Variants in PALD1 observed in about 807,000 individuals in gnomAD.
PALD1 encodes paladin.
PALD1 carries 57 observed loss-of-function variants against 96.0 expected under a neutral mutation model. The ratio of observed to expected loss-of-function variants is 0.59; its 90% CI spans 0.48 to 0.74. The LOEUF is 0.74. PALD1 is among the 30% of genes least tolerant of loss of function. PALD1 has a pLI of 0.00. For synonymous variants in PALD1, 464 were observed against 473.6 expected, an observed-to-expected ratio of 0.98 and a Z score of 0.26; for missense variants, 1,063 against 1,143.7, an observed-to-expected ratio of 0.93 and a Z score of 1.02.
chr10:70,541,021 C>G (rs549902845), intron 15 of PALD1, 81 bp from the exon 16 acceptor site: 15 of 1,448,244 alleles, frequency 1.0e-5, no homozygotes, highest in Non-Finnish European at 1.3e-5. Context: ...GTGGCTGGGG[C>G]TGCCATGTGG....
At chr10:70,488,798 C>G (rs1846052113) in intron 1 of PALD1, among the ~76,000 whole-genome samples, 1 of 151,954 alleles carries the variant, frequency 6.6e-6, no homozygotes, top group Non-Finnish European at 1.5e-5. Context: ...AGAAGAGTAG[C>G]ATTGGATCAA....
At chr10:70,460,269 T>C in the PALD1 span, among the ~76,000 whole-genome samples, 1 of 152,124 alleles carries the variant, frequency 6.6e-6, no homozygotes, top group African/African-American at 2.4e-5. Flanking sequence ...TTGCCTCTCC[T>C]GGAGGGTCTC....
intron 7 of PALD1, among the ~76,000 whole-genome samples, 194 bp from the exon 8 acceptor site, chr10:70,533,728 C>G (rs932655089): frequency 1.3e-5 from 2 of 152,240 alleles, no homozygotes; most frequent in African/African-American, 4.8e-5. Flanking sequence ...TTGAGCTCCT[C>G]CAAGGCCTGG....
intron 2 of PALD1, among the ~76,000 whole-genome samples, chr10:70,526,437 A>C (rs1186159797): frequency 6.6e-6 from 1 of 152,226 alleles, no homozygotes; most frequent in African/African-American, 2.4e-5. Flanking sequence ...TTTTTGGCTT[A>C]ACATTTTCAA....
chr10:70,468,982 G>T, the PALD1 span, among the ~76,000 whole-genome samples: 1 of 152,114 alleles, frequency 6.6e-6, no homozygotes, highest in Non-Finnish European at 1.5e-5. Flanking sequence ...ACCCACAGTG[G>T]AGGGGGCACG....
intron 1 of PALD1, among the ~76,000 whole-genome samples, chr10:70,502,373 A>G (rs1387466165): frequency 1.3e-5 from 2 of 152,310 alleles, no homozygotes; most frequent in East Asian, 3.9e-4. Flanking sequence ...TTCAGCTTCA[A>G]GCACTGTTGA....
At position 70,566,622 on chromosome 10, in the gene PALD1, G is replaced by A. The variant is rs1267458383; in HGVS notation, c.2460G>A (p.Leu820=). The part of the protein sequence containing the change: ...KAGIYEILNE[L]GFPELESGED... ...GCATCTACGAGATCCTTAACGAGCTGGGCTTCCCCGAGCTGGAGAGCGGGG... is the reference window on the plus strand; with the variant it reads ...GCATCTACGAGATCCTTAACGAGCTAGGCTTCCCCGAGCTGGAGAGCGGGG... Residue 820 remains leucine, a synonymous_variant, in exon 20 of 20, where the codon CTG becomes CTA. Coordinates refer to ENST00000263563, the MANE Select transcript of PALD1 (RefSeq NM_014431.3). 1.9e-6 allele frequency: 3 copies of A among 1,610,832 alleles called. No individual in the cohort carries two copies. The highest frequency in any genetic ancestry group is 1.6e-4 in the Middle Eastern group (1 of 6,080).
intron 6 of PALD1, 30 bp downstream of exon 6, chr10:70,532,811 A>G: frequency 1.2e-6 from 2 of 1,610,922 alleles, no homozygotes; most frequent in South Asian, 2.2e-5. Flanking sequence ...AGCCCTGGCC[A>G]TGGGTGCTCC....
intron 18 of PALD1, among the ~76,000 whole-genome samples, chr10:70,562,088 C>T (rs1044061285): frequency 6.6e-6 from 1 of 152,246 alleles, no homozygotes; most frequent in African/African-American, 2.4e-5. Context: ...CGTGCCTTCT[C>T]ATCCCTCACT....
At chr10:70,541,764 C>T (rs1564705060) in intron 17 of PALD1, among the ~76,000 whole-genome samples, 1 of 152,198 alleles carries the variant, frequency 6.6e-6, no homozygotes, top group Non-Finnish European at 1.5e-5. Context: ...GGCTGGACCC[C>T]TCCCTGCCCG....
chr10:70,563,778 G>C (rs1040054416), intron 18 of PALD1, among the ~76,000 whole-genome samples: 1 of 152,194 alleles, frequency 6.6e-6, no homozygotes, highest in African/African-American at 2.4e-5. Context: ...CCAGTGTAGG[G>C]GTGGATTGAG....
At chr10:70,519,573 C>CTTTTTTTTTT (rs1192092171) in intron 1 of PALD1, among the ~76,000 whole-genome samples, 1 of 133,702 alleles carries the variant, frequency 7.5e-6, no homozygotes, top group African/African-American at 2.9e-5. Flanking sequence ...TTCTTTCTTT[C>CTTTTTTTTTT]TTTTTTTTTT....
At chr10:70,526,335 T>A (rs1352349068) in intron 2 of PALD1, among the ~76,000 whole-genome samples, 199 bp downstream of exon 2, 2 of 152,198 alleles carry the variant, frequency 1.3e-5, no homozygotes, top group Non-Finnish European at 2.9e-5. Context: ...GTCTCTGTCA[T>A]GGGTCTCTGA....
Position 70,487,130 on chromosome 10 carries a change from A to ATTTTT in PALD1, c.-30+8088_-30+8092dup, listed in dbSNP as rs10669002. On this transcript the variant is annotated intron_variant, in intron 1 of 19. Coordinates refer to ENST00000263563, the MANE Select transcript of PALD1 (RefSeq NM_014431.3). ...GCATTTGACTGTCCCTCTGAGCCCAATTTTTTTTTTTTTTTTTTTTTGAGA... is the reference window on the plus strand; with the variant it reads ...GCATTTGACTGTCCCTCTGAGCCCAATTTTTTTTTTTTTTTTTTTTTTTTTTGAGA... Among the ~76,000 whole-genome samples the ATTTTT allele has an allele frequency of 2.8e-3, 311 of 110,328 alleles. 9 individuals are homozygous for ATTTTT. The highest frequency in any genetic ancestry group is 3.9e-3 in the Non-Finnish European group (221 of 56,552). 72.4% of individuals were successfully genotyped at this position (110,328 alleles called of 152,430 possible). A position where few individuals can be genotyped will look rare whatever the true frequency, so the allele number is the denominator to read the frequency against.
At chr10:70,496,156 T>C (rs748710701) in intron 1 of PALD1, among the ~76,000 whole-genome samples, 2 of 152,174 alleles carry the variant, frequency 1.3e-5, no homozygotes, top group Non-Finnish European at 2.9e-5. Context: ...CCAGCCCATG[T>C]TCTTACCCAT....
At chr10:70,473,336 T>C in the PALD1 span, among the ~76,000 whole-genome samples, 1 of 152,216 alleles carries the variant, frequency 6.6e-6, no homozygotes, top group Non-Finnish European at 1.5e-5. Flanking sequence ...TATTCATCTC[T>C]GTGTCCTGAG....
rs1443625682 is a variant in PALD1, at chr10:70,526,666, G to T, written c.185+530G>T. On this transcript the variant is annotated intron_variant, in intron 2 of 19. Transcript: ENST00000263563. ...CATACTGTGTGCATCCAGAGGAAGA[G>T]GGTTATGATGGGTCCCTGAAACCCT... Among the ~76,000 whole-genome samples, 4 of 152,166 alleles carry T rather than the reference G, an allele frequency of 2.6e-5. No individual in the cohort carries two copies. In the East Asian group the frequency reaches 7.7e-4, roughly 29 times the overall value.
intron 17 of PALD1, among the ~76,000 whole-genome samples, chr10:70,545,791 T>G (rs1847349735): frequency 6.6e-6 from 1 of 151,672 alleles, no homozygotes; most frequent in Non-Finnish European, 1.5e-5. Flanking sequence ...GTCTGCGCAG[T>G]GGCTGGGGGC....
chr10:70,463,036 G>C, the PALD1 span, among the ~76,000 whole-genome samples: 1 of 152,186 alleles, frequency 6.6e-6, no homozygotes, highest in Admixed American at 6.5e-5. Flanking sequence ...TCTACCCCGT[G>C]GTGAACTCCT....
Sources: gnomAD v4.1 joint callset for allele counts (sites outside exome capture counted in the v4.1 genomes callset) on GRCh38, gnomAD v4.1.1 for gene constraint, MANE v1.5 for transcripts, NCBI Gene and HGNC (gene_info 2026-07-23, HGNC 2026-07-21) for gene names.